The following STK24 variants were observed in gnomAD, a reference collection of about 807,000 sequenced individuals.
The protein encoded by STK24 is serine/threonine-protein kinase 24.
STK24 carries 21 observed loss-of-function variants against 55.6 expected under a neutral mutation model. The observed-to-expected ratio is 0.38, with a 90% CI of 0.27 to 0.54. The LOEUF (loss-of-function observed/expected upper bound fraction) is 0.54. Ranked by LOEUF, STK24 falls within the 20% of genes least tolerant of loss-of-function variation. The probability of loss-of-function intolerance (pLI) is 0.79; values close to 1 mark genes in which losing one functional copy is unlikely to be tolerated. For missense variants in STK24, 383 were observed against 538.4 expected (o/e 0.71, Z 2.86); for synonymous variants, 200 against 215.2 (o/e 0.93, Z 0.62).
intron 1 of STK24, among the ~76,000 whole-genome samples, chr13:98,571,919 T>TA (rs1897750470): frequency 6.6e-6 from 1 of 152,124 alleles, no homozygotes; most frequent in African/African-American, 2.4e-5. Context: ...CACCCAGCAC[T>TA]CCCCACACCT....
At chr13:98,554,107 C>CTGA (rs917014861) in intron 1 of STK24, among the ~76,000 whole-genome samples, 37 of 150,920 alleles carry the variant, frequency 2.5e-4, no homozygotes, top group Admixed American at 6.6e-4. Flanking sequence ...GGGGAGGAAG[C>CTGA]TGATGATGAT....
At chr13:98,458,530 C>T (rs1041791446) in intron 9 of STK24, among the ~76,000 whole-genome samples, 4 of 152,178 alleles carry the variant, frequency 2.6e-5, no homozygotes, top group African/African-American at 9.7e-5. Context: ...TCCTGAAGTT[C>T]TTGCTGTCAC....
intron 1 of STK24, among the ~76,000 whole-genome samples, chr13:98,573,575 T>A (rs1897796876): frequency 6.6e-6 from 1 of 152,216 alleles, no homozygotes; most frequent in South Asian, 2.1e-4. Flanking sequence ...CTCATTCAGA[T>A]CTACCACTTT....
chr13:98,446,759 C>G lies in STK24; in HGVS notation c.*6414G>C, dbSNP rs966737892. 4.3e-6 allele frequency: 7 copies of G among 1,614,076 alleles called. No individual in the cohort carries two copies. In the African/African-American group the frequency reaches 9.3e-5, roughly 22 times the overall value. On this transcript the variant is annotated 3_prime_UTR_variant, in exon 11 of 11. Transcript: ENST00000539966. ...CATCCAGAAAGACTACGTGTTCAAGCTGCACTTCAAGTCCCACGTCTACTA... is the reference window on the plus strand; with the variant it reads ...CATCCAGAAAGACTACGTGTTCAAGGTGCACTTCAAGTCCCACGTCTACTA...
chr13:98,464,955 G>A (rs1476745197), intron 6 of STK24, among the ~76,000 whole-genome samples: 5 of 152,120 alleles, frequency 3.3e-5, no homozygotes, highest in East Asian at 1.9e-4. Context: ...CAACTTTCCC[G>A]GTTTAGAAGG....
chr13:98,568,072 TC>T (rs1377534128), intron 1 of STK24, among the ~76,000 whole-genome samples: 1 of 151,484 alleles, frequency 6.6e-6, no homozygotes, highest in Non-Finnish European at 1.5e-5. Context: ...CGATCTCGGC[TC>T]CCTGCAACTT....
intron 1 of STK24, among the ~76,000 whole-genome samples, chr13:98,543,208 A>G (rs1196751706): frequency 6.6e-6 from 1 of 152,200 alleles, no homozygotes; most frequent in Non-Finnish European, 1.5e-5. Flanking sequence ...AAAGAGAACT[A>G]AACACTTGAA....
At chr13:98,547,400 G>A (rs1897054637) in intron 1 of STK24, among the ~76,000 whole-genome samples, 1 of 152,076 alleles carries the variant, frequency 6.6e-6, no homozygotes, top group South Asian at 2.1e-4. Flanking sequence ...TTTAAACAAT[G>A]AGCCGGGCAC....
chr13:98,469,041 G>T (rs1894036542), intron 5 of STK24, among the ~76,000 whole-genome samples: 1 of 152,262 alleles, frequency 6.6e-6, no homozygotes, highest in African/African-American at 2.4e-5. Flanking sequence ...TGATGCGCTT[G>T]CCTTGATTTT....
intron 1 of STK24, among the ~76,000 whole-genome samples, chr13:98,554,090 AAAG>A (rs1394648025): frequency 1.3e-5 from 2 of 150,870 alleles, no homozygotes; most frequent in African/African-American, 2.4e-5. Flanking sequence ...AAAAGGAAGG[AAAG>A]AAGGGGGAGG....
intron 5 of STK24, among the ~76,000 whole-genome samples, chr13:98,467,119 G>A (rs552158835): frequency 2.1e-5 from 3 of 146,116 alleles, no homozygotes; most frequent in African/African-American, 7.4e-5. Context: ...GCCTTACCAG[G>A]GGCCCAGAAC....
intron 2 of STK24, among the ~76,000 whole-genome samples, chr13:98,510,699 G>T (rs1365738126): frequency 6.6e-6 from 1 of 152,156 alleles, no homozygotes; most frequent in Non-Finnish European, 1.5e-5. Flanking sequence ...CTTATATGAG[G>T]TGTCCAGAAT....
At chr13:98,456,318 A>T (rs1594567560) in intron 10 of STK24, 1 of 362,000 alleles carries the variant, frequency 2.8e-6, no homozygotes, top group East Asian at 7.4e-5. Flanking sequence ...CTCAGGAAAG[A>T]CCCAGAAATC....
intron 1 of STK24, among the ~76,000 whole-genome samples, chr13:98,530,801 T>C (rs1483106564): frequency 1.3e-5 from 2 of 152,204 alleles, no homozygotes; most frequent in Non-Finnish European, 2.9e-5. Context: ...AGAGTTGGCA[T>C]AGAATCTTCA....
intron 3 of STK24, among the ~76,000 whole-genome samples, chr13:98,476,962 C>A (rs1894401441): frequency 6.6e-6 from 1 of 152,222 alleles, no homozygotes; most frequent in Admixed American, 6.5e-5. Flanking sequence ...AGTTTGACCG[C>A]ACACATATGC....
intron 5 of STK24, 110 bp from the exon 6 acceptor site, chr13:98,466,671 G>T: frequency 8.1e-7 from 1 of 1,239,094 alleles, no homozygotes; most frequent in Non-Finnish European, 1.1e-6. Context: ...TTTTGAAAAA[G>T]GTATTTTTAA....
chr13:98,469,903 T>A (rs1894077771), intron 5 of STK24, among the ~76,000 whole-genome samples: 1 of 152,210 alleles, frequency 6.6e-6, no homozygotes, highest in Non-Finnish European at 1.5e-5. Flanking sequence ...TCCAAACTTG[T>A]TAAAACCAAT....
chr13:98,569,413 C>CAAAAAAAAAAAA (rs11316359), intron 1 of STK24, among the ~76,000 whole-genome samples: 4 of 127,140 alleles, frequency 3.1e-5, no homozygotes, highest in Admixed American at 8.0e-5. Flanking sequence ...ACAGCAGAGA[C>CAAAAAAAAAAAA]AAAAAAAAAA....
At chr13:98,575,399 TTATA>T (rs778672408) in intron 1 of STK24, among the ~76,000 whole-genome samples, 105 of 147,120 alleles carry the variant, frequency 7.1e-4, no homozygotes, top group Middle Eastern at 3.4e-3. Flanking sequence ...TATATACTGC[TTATA>T]TATACACACA....
Sources: allele counts gnomAD v4.1 joint callset (sites outside exome capture counted in the v4.1 genomes callset), GRCh38; gene constraint gnomAD v4.1.1; transcripts MANE v1.5; gene names NCBI Gene and HGNC (gene_info 2026-07-23, HGNC 2026-07-21).